HSD17B12: variants seen among roughly 807,000 people sequenced by gnomAD.
The protein encoded by HSD17B12 is hydroxysteroid 17-beta dehydrogenase 12.
HSD17B12 carries 32 observed loss-of-function variants against 39.3 expected under a neutral mutation model. The observed-to-expected ratio is 0.81, with a 90% CI of 0.61 to 1.09. The LOEUF (loss-of-function observed/expected upper bound fraction) is 1.09. Among genes scored for constraint, HSD17B12 ranks in the 50% least tolerant of loss-of-function variants. HSD17B12 has a pLI of 0.00. For missense variants in HSD17B12, 342 were observed against 382.9 expected (o/e 0.89, Z 0.89); for synonymous variants, 150 against 146.7 (o/e 1.02, Z -0.16).
chr11:43,669,101 A>G, the HSD17B12 span, among the ~76,000 whole-genome samples: 1 of 90,144 alleles, frequency 1.1e-5, no homozygotes, highest in Admixed American at 1.6e-4. Flanking sequence ...CAGAAACATG[A>G]TGCTGAGTTA....
intron 1 of HSD17B12, among the ~76,000 whole-genome samples, chr11:43,726,280 G>A (rs949848490): frequency 4.6e-5 from 7 of 152,062 alleles, no homozygotes; most frequent in Non-Finnish European, 7.4e-5. Context: ...CTCTAAGGGC[G>A]ATAAGAAAAG....
chr11:43,696,134 T>G (rs1306452939), intron 1 of HSD17B12, among the ~76,000 whole-genome samples: 1 of 152,188 alleles, frequency 6.6e-6, no homozygotes, highest in Non-Finnish European at 1.5e-5. Context: ...TTGTTAAAGA[T>G]AATGGCCTCT....
chr11:43,841,078 T>A (rs1951421137), intron 9 of HSD17B12, among the ~76,000 whole-genome samples: 2 of 152,298 alleles, frequency 1.3e-5, no homozygotes, highest in South Asian at 4.1e-4. Context: ...TCATAACGGG[T>A]ATGAAGTGGT....
At chr11:43,738,004 C>T (rs1308671253) in intron 1 of HSD17B12, among the ~76,000 whole-genome samples, 5 of 142,164 alleles carry the variant, frequency 3.5e-5, no homozygotes, top group African/African-American at 1.1e-4. Flanking sequence ...ACCCGGCAGG[C>T]GGAGCTTGCA....
chr11:43,617,902 G>A, the HSD17B12 span, among the ~76,000 whole-genome samples: 3 of 152,240 alleles, frequency 2.0e-5, no homozygotes, highest in South Asian at 4.1e-4. Context: ...ATCTTTTTAC[G>A]TGGACTGAGC....
intron 9 of HSD17B12, among the ~76,000 whole-genome samples, chr11:43,850,186 T>C (rs1177929258): frequency 2.6e-5 from 4 of 152,214 alleles, no homozygotes; most frequent in African/African-American, 4.8e-5. Flanking sequence ...TTCTGCCAAG[T>C]AGATAATCAA....
At chr11:43,812,695 C>T (rs1342656087) in intron 4 of HSD17B12, among the ~76,000 whole-genome samples, 2 of 152,148 alleles carry the variant, frequency 1.3e-5, no homozygotes, top group Admixed American at 6.5e-5. Context: ...TGATTATTTC[C>T]TTTGCTGTGC....
chr11:43,574,208 C>A, the HSD17B12 span, among the ~76,000 whole-genome samples: 6 of 152,276 alleles, frequency 3.9e-5, no homozygotes, highest in Non-Finnish European at 5.9e-5. Flanking sequence ...AGGCAAGTTA[C>A]AAAGAGTAGG....
chr11:43,596,918 G>A, the HSD17B12 span, among the ~76,000 whole-genome samples: 37 of 152,284 alleles, frequency 2.4e-4, no homozygotes, highest in African/African-American at 7.9e-4. Context: ...TCTCCTCTTC[G>A]TGGAATAACA....
chr11:43,676,102 G>GAA (rs879768252), upstream of HSD17B12, among the ~76,000 whole-genome samples: 1 of 151,182 alleles, frequency 6.6e-6, no homozygotes, highest in Admixed American at 6.6e-5. Context: ...GTAAGAGCGG[G>GAA]AAAAAAAAGA....
chr11:43,850,311 G>A (rs749447664), intron 9 of HSD17B12, among the ~76,000 whole-genome samples: 12 of 152,144 alleles, frequency 7.9e-5, no homozygotes, highest in South Asian at 2.1e-4. Context: ...TCCTGAAATC[G>A]TAGATGAATA....
the HSD17B12 span, among the ~76,000 whole-genome samples, chr11:43,609,845 A>G: frequency 1.3e-5 from 2 of 152,312 alleles, no homozygotes; most frequent in African/African-American, 4.8e-5. Context: ...CTTGTACTAC[A>G]TGGCTTCTAT....
intron 1 of HSD17B12, among the ~76,000 whole-genome samples, chr11:43,703,961 CTCTTGCTTT>C (rs1949991030): frequency 6.6e-6 from 1 of 151,482 alleles, no homozygotes; most frequent in Non-Finnish European, 1.5e-5. Flanking sequence ...GTTTGGTTTG[CTCTTGCTTT>C]TCTAGTTCTT....
At chr11:43,617,959 G>T in the HSD17B12 span, among the ~76,000 whole-genome samples, 2 of 152,158 alleles carry the variant, frequency 1.3e-5, no homozygotes, top group African/African-American at 4.8e-5. Context: ...TAAGGAAACT[G>T]CATTAGACAT....
chr11:43,603,373 A>T, the HSD17B12 span, among the ~76,000 whole-genome samples: 2 of 150,576 alleles, frequency 1.3e-5, no homozygotes, highest in South Asian at 2.1e-4. Flanking sequence ...CCACATTATT[A>T]AAAAAAAACT....
At chr11:43,845,816 A>G (rs1462703924) in intron 9 of HSD17B12, among the ~76,000 whole-genome samples, 1 of 152,196 alleles carries the variant, frequency 6.6e-6, no homozygotes, top group Admixed American at 6.5e-5. Context: ...AACTGTGGGG[A>G]GACCCTAAAA....
intron 1 of HSD17B12, among the ~76,000 whole-genome samples, chr11:43,738,568 G>A (rs183934905): frequency 6.6e-6 from 1 of 152,166 alleles, no homozygotes; most frequent in Non-Finnish European, 1.5e-5. Context: ...AGAGTGTAGG[G>A]GTTGTGTAAT....
chr11:43,680,888 T>C lies in HSD17B12; in HGVS notation c.61T>C (p.Tyr21His). ...LYWVGAGTVA[Y>H]LALRISYSLF... The stretch of plus-strand genomic sequence containing the variant: ...CTGGGTCGGCGCGGGCACCGTGGCC[T>C]ACCTAGCCCTGCGTATTTCGTACTC... The change falls in exon 1 of 11, where the codon TAC becomes CAC. Residue 21 changes from tyrosine (Y) to histidine (H), a missense_variant. Physicochemically the swap from Tyr to His is moderately conservative, Grantham distance 83 (BLOSUM62 2). Transcript: ENST00000278353. 4 of 1,614,032 alleles carry C rather than the reference T, an allele frequency of 2.5e-6. No individual in the cohort carries two copies. The highest frequency in any genetic ancestry group is 3.4e-6 in the Non-Finnish European group (4 of 1,179,990).
chr11:43,793,079 T>C (rs1950883227), intron 3 of HSD17B12, among the ~76,000 whole-genome samples: 1 of 152,136 alleles, frequency 6.6e-6, no homozygotes. Context: ...AGAAACAGAC[T>C]CTTTGCTTAA....
Sources: gnomAD v4.1 joint callset for allele counts (sites outside exome capture counted in the v4.1 genomes callset) on GRCh38, gnomAD v4.1.1 for gene constraint, MANE v1.5 for transcripts, NCBI Gene and HGNC (gene_info 2026-07-23, HGNC 2026-07-21) for gene names.